Variants in LRRTM4 observed in about 807,000 individuals in gnomAD.
The protein encoded by LRRTM4 is leucine-rich repeat transmembrane neuronal protein 4.
In LRRTM4, 25 loss-of-function variants were observed where a neutral mutation model predicts 47.6. The ratio of observed to expected loss-of-function variants is 0.53; its 90% CI spans 0.38 to 0.73. The LOEUF is 0.73. Ranked by LOEUF, LRRTM4 falls within the 30% of genes least tolerant of loss-of-function variation. LRRTM4 has a pLI of 0.00. For missense variants in LRRTM4, 638 were observed against 713.4 expected, an observed-to-expected ratio of 0.89 and a Z score of 1.20; for synonymous variants, 311 against 269.5, an observed-to-expected ratio of 1.15 and a Z score of -1.51.
At chr2:77,037,487 A>G (rs539714208) in intron 3 of LRRTM4, among the ~76,000 whole-genome samples, 1 of 151,658 alleles carries the variant, frequency 6.6e-6, no homozygotes, top group Non-Finnish European at 1.5e-5. Flanking sequence ...TTGTCTCTAA[A>G]TTCTTGAAAT....
intron 3 of LRRTM4, chr2:77,516,679 T>G: frequency 3.1e-6 from 3 of 976,200 alleles, no homozygotes; most frequent in Non-Finnish European, 3.7e-6. Context: ...TAGAAAATCT[T>G]TTATTCTTTT....
At chr2:77,389,844 A>G (rs1035085676) in intron 3 of LRRTM4, among the ~76,000 whole-genome samples, 1 of 151,734 alleles carries the variant, frequency 6.6e-6, no homozygotes, top group Admixed American at 6.6e-5. Context: ...TTTCTTGAGC[A>G]CCTAATATGT....
intron 3 of LRRTM4, among the ~76,000 whole-genome samples, chr2:76,754,683 T>C (rs1328720867): frequency 1.3e-5 from 2 of 152,148 alleles, no homozygotes; most frequent in East Asian, 3.9e-4. Context: ...CCCTCACCAA[T>C]AGGTGAGGTG....
At chr2:76,822,273 G>A (rs1671075784) in intron 3 of LRRTM4, among the ~76,000 whole-genome samples, 1 of 151,238 alleles carries the variant, frequency 6.6e-6, no homozygotes. Flanking sequence ...AAAATGTGTT[G>A]ACTAAGAAAA....
chr2:76,951,694 C>T (rs1675501373), intron 3 of LRRTM4, among the ~76,000 whole-genome samples: 2 of 151,834 alleles, frequency 1.3e-5, no homozygotes, highest in Admixed American at 1.3e-4. Flanking sequence ...ATACACGTGC[C>T]ATGGTGGTTT....
At chr2:76,841,925 C>T (rs1375740122) in intron 3 of LRRTM4, among the ~76,000 whole-genome samples, 1 of 152,152 alleles carries the variant, frequency 6.6e-6, no homozygotes, top group African/African-American at 2.4e-5. Context: ...TGGGCTCACA[C>T]ATGCGCTGCT....
At chr2:76,991,887 C>G (rs561449964) in intron 3 of LRRTM4, among the ~76,000 whole-genome samples, 3 of 151,706 alleles carry the variant, frequency 2.0e-5, no homozygotes, top group African/African-American at 4.8e-5. Context: ...AAATCATCAA[C>G]AAAATATTAG....
intron 3 of LRRTM4, among the ~76,000 whole-genome samples, chr2:77,088,795 A>G (rs952018757): frequency 6.6e-6 from 1 of 152,118 alleles, no homozygotes; most frequent in Non-Finnish European, 1.5e-5. Flanking sequence ...CCACCAGCCC[A>G]AGAAACATCT....
chr2:76,881,466 G>A (rs1672926709), intron 3 of LRRTM4, among the ~76,000 whole-genome samples: 1 of 134,088 alleles, frequency 7.5e-6, no homozygotes, highest in African/African-American at 2.7e-5. Flanking sequence ...GCTTGCTAAA[G>A]ACTTTTTTTT....
chr2:77,429,974 G>T (rs1258710011), intron 3 of LRRTM4, among the ~76,000 whole-genome samples: 3 of 152,122 alleles, frequency 2.0e-5, no homozygotes, highest in Non-Finnish European at 4.4e-5. Context: ...GCTGAGGCAG[G>T]GGAATCACTT....
intron 3 of LRRTM4, among the ~76,000 whole-genome samples, chr2:76,811,932 AT>A (rs1449779650): frequency 2.0e-5 from 3 of 152,158 alleles, no homozygotes; most frequent in African/African-American, 7.2e-5. Flanking sequence ...TTATTATGTA[AT>A]AGGTTTACTC....
intron 3 of LRRTM4, among the ~76,000 whole-genome samples, chr2:77,106,932 C>T (rs1198784014): frequency 6.6e-6 from 1 of 151,668 alleles, no homozygotes; most frequent in Non-Finnish European, 1.5e-5. Flanking sequence ...GAACTAGAAA[C>T]CTGCATATAC....
intron 3 of LRRTM4, among the ~76,000 whole-genome samples, chr2:76,860,823 G>A (rs2104007814): frequency 6.6e-6 from 1 of 151,894 alleles, no homozygotes; most frequent in Middle Eastern, 3.4e-3. Context: ...GAGAACAGAA[G>A]GAAACAGATA....
chr2:77,039,584 T>C (rs1678956512), intron 3 of LRRTM4, among the ~76,000 whole-genome samples: 2 of 151,210 alleles, frequency 1.3e-5, no homozygotes, highest in Non-Finnish European at 3.0e-5. Context: ...CAATCTATCT[T>C]CCATTTGTTA....
intron 3 of LRRTM4, among the ~76,000 whole-genome samples, chr2:77,486,887 T>C (rs925919260): frequency 3.9e-5 from 6 of 152,230 alleles, no homozygotes; most frequent in African/African-American, 1.4e-4. Flanking sequence ...AAATGTTTTC[T>C]TCTCGTTTTA....
intron 3 of LRRTM4, among the ~76,000 whole-genome samples, chr2:77,013,772 G>T (rs1677959107): frequency 6.6e-6 from 1 of 152,110 alleles, no homozygotes; most frequent in Non-Finnish European, 1.5e-5. Flanking sequence ...AAACAACTCA[G>T]ATAAAATATT....
intron 3 of LRRTM4, among the ~76,000 whole-genome samples, chr2:77,352,510 C>G (rs1671822979): frequency 6.6e-6 from 1 of 151,992 alleles, no homozygotes; most frequent in African/African-American, 2.4e-5. Context: ...ACTCACTATC[C>G]CAGGAAATTG....
intron 3 of LRRTM4, among the ~76,000 whole-genome samples, chr2:77,342,159 T>A (rs1260776328): frequency 1.3e-5 from 2 of 151,862 alleles, no homozygotes; most frequent in Non-Finnish European, 2.9e-5. Flanking sequence ...TTTAAATATG[T>A]TTGCTTATAG....
At chr2:76,925,388 C>T (rs937301134) in intron 3 of LRRTM4, among the ~76,000 whole-genome samples, 18 of 152,258 alleles carry the variant, frequency 1.2e-4, no homozygotes, top group Admixed American at 8.5e-4. Flanking sequence ...ACAAAAATCA[C>T]AGCCTCAGCT....
Sources: allele counts gnomAD v4.1 joint callset (sites outside exome capture counted in the v4.1 genomes callset), GRCh38; gene constraint gnomAD v4.1.1; transcripts MANE v1.5; gene names NCBI Gene and HGNC (gene_info 2026-07-23, HGNC 2026-07-21).